RNF180: variants seen among roughly 807,000 people sequenced by gnomAD.
RNF180 encodes E3 ubiquitin-protein ligase RNF180.
Under a neutral mutation model 59.2 loss-of-function variants are expected in RNF180, and 38 were observed. The ratio of observed to expected loss-of-function variants is 0.64; its 90% CI spans 0.50 to 0.84. RNF180 has a LOEUF of 0.84. RNF180 is among the 40% of genes least tolerant of loss of function. The pLI, the probability that RNF180 is intolerant of heterozygous loss-of-function variation, is 0.00. For missense variants in RNF180, 705 were observed against 700.9 expected, an observed-to-expected ratio of 1.01 and a Z score of -0.07; for synonymous variants, 262 against 240.3, an observed-to-expected ratio of 1.09 and a Z score of -0.84.
At chr5:64,304,527 G>GGA (rs1743332752) in intron 5 of RNF180, among the ~76,000 whole-genome samples, 1 of 151,584 alleles carries the variant, frequency 6.6e-6, no homozygotes, top group South Asian at 2.1e-4. Flanking sequence ...AAACCTCAGT[G>GGA]GAGAAAGTAA....
intron 5 of RNF180, among the ~76,000 whole-genome samples, chr5:64,219,406 A>C (rs976436985): frequency 6.6e-6 from 1 of 151,940 alleles, no homozygotes; most frequent in African/African-American, 2.4e-5. Context: ...ATTAGTCTGA[A>C]ATTGTCTCTG....
At chr5:64,362,793 G>A (rs1337799445) in intron 7 of RNF180, among the ~76,000 whole-genome samples, 1 of 151,914 alleles carries the variant, frequency 6.6e-6, no homozygotes, top group Non-Finnish European at 1.5e-5. Context: ...TGACTGGTGT[G>A]AGATGGTATC....
chr5:64,346,359 CTTTTTTTTTTTTT>C (rs1162054033), intron 7 of RNF180, among the ~76,000 whole-genome samples: 7 of 42,954 alleles, frequency 1.6e-4, no homozygotes, highest in African/African-American at 6.5e-4. Context: ...TTCTTTTCTT[CTTTTTTTTTTTTT>C]TTTTTTTTTT....
chr5:64,214,394 C>T lies in RNF180; in HGVS notation c.1068C>T (p.Asp356=). The T allele has an allele frequency of 1.9e-6, 3 of 1,614,052 alleles. No individual in the cohort carries two copies. The highest frequency in any genetic ancestry group is 1.7e-6 in the Non-Finnish European group (2 of 1,180,010). ...AGGAAGAGCACCTCTCCCCTCTGGA[C>T]TTCCTGCACTCAGCCAATTTTTCAT... is the stretch of plus-strand genomic sequence containing the variant. The part of the protein sequence containing the change: ...SDQEEHLSPL[D]FLHSANFSLG... The change falls in exon 4 of 8, where the codon GAC becomes GAT. Residue 356 remains aspartate (D), a synonymous_variant. Coordinates refer to ENST00000389100, the MANE Select transcript of RNF180 (RefSeq NM_001113561.2).
At chr5:64,178,161 G>A (rs1186745436) in intron 1 of RNF180, among the ~76,000 whole-genome samples, 4 of 143,654 alleles carry the variant, frequency 2.8e-5, no homozygotes, top group South Asian at 2.2e-4. Context: ...CTGAGATGGC[G>A]CCACTGCACT....
chr5:64,301,852 A>C (rs1303995083), intron 5 of RNF180, among the ~76,000 whole-genome samples: 4 of 151,638 alleles, frequency 2.6e-5, no homozygotes, highest in South Asian at 2.1e-4. Context: ...CCATTGCCCA[A>C]AGTAAGTCAG....
intron 5 of RNF180, among the ~76,000 whole-genome samples, chr5:64,324,000 A>G (rs1344782853): frequency 2.6e-5 from 4 of 152,194 alleles, no homozygotes; most frequent in Non-Finnish European, 5.9e-5. Flanking sequence ...CAAAGACCGC[A>G]ATTACTTTTG....
chr5:64,238,870 G>A (rs1281269848), intron 5 of RNF180, among the ~76,000 whole-genome samples: 2 of 152,010 alleles, frequency 1.3e-5, no homozygotes, highest in African/African-American at 2.4e-5. Flanking sequence ...TGTTTCTGTT[G>A]CCCATGCTTT....
chr5:64,212,260 A>C (rs1401882875), intron 3 of RNF180, 100 bp downstream of exon 3: 1 of 693,486 alleles, frequency 1.4e-6, no homozygotes, highest in Non-Finnish European at 2.6e-6. Context: ...TCCTTGGCCA[A>C]CCTCTTACTG....
chr5:64,171,953 T>C lies in RNF180; in HGVS notation c.-1+6000T>C, dbSNP rs536856276. Reference sequence around the variant, plus strand: ...GATTTAGGTAAAAGACCTCACAGAGTTGGGTAACATCTTTGGCACAAAAAT... The same window carrying C: ...GATTTAGGTAAAAGACCTCACAGAGCTGGGTAACATCTTTGGCACAAAAAT... On this transcript the variant is annotated intron_variant, in intron 1 of 7. Coordinates refer to ENST00000389100, the MANE Select transcript of RNF180 (RefSeq NM_001113561.2). 7.2e-5 allele frequency among the ~76,000 whole-genome samples: 11 copies of C among 152,022 alleles called. No homozygotes were observed. In the East Asian group the frequency reaches 1.4e-3, roughly 19 times the overall value.
intron 5 of RNF180, among the ~76,000 whole-genome samples, chr5:64,237,716 A>G (rs980208247): frequency 2.0e-5 from 3 of 152,092 alleles, no homozygotes; most frequent in South Asian, 2.1e-4. Context: ...TTGGGTGGGA[A>G]GTGATTGGAT....
At position 64,213,489 on chromosome 5, in the gene RNF180, G is replaced by GA. The variant is rs375332267; in HGVS notation, c.232-60dup. ...AAACTTTCATGTGGCTGGCTTTAAA[G>GA]AAAAAAAAATTTCTCTTCAGTTACT... is the stretch of plus-strand genomic sequence containing the variant. On this transcript the variant is annotated intron_variant, in intron 3 of 7. Coordinates refer to ENST00000389100, the MANE Select transcript of RNF180 (RefSeq NM_001113561.2). 391 of 1,453,776 alleles carry GA rather than the reference G, an allele frequency of 2.7e-4. 1 individual carries two copies. Among genetic ancestry groups the GA allele is most frequent in the South Asian group, 3.3e-4 (23 of 70,370 alleles). 90.1% of individuals were successfully genotyped at this position (1,453,776 alleles called of 1,614,324 possible). A position where few individuals can be genotyped will look rare whatever the true frequency, so the allele number is the denominator to read the frequency against.
In RNF180 at chr5:64,212,087, C is replaced by T. The variant is rs2112108418; in HGVS notation, c.158C>T (p.Ala53Val). 6.3e-7 allele frequency: 1 copy of T among 1,598,256 alleles called. No individual in the cohort carries two copies. Among genetic ancestry groups the T allele is most frequent in the African/African-American group, 1.3e-5 (1 of 74,680 alleles). ...CAGGATAAAGATGATTCAGTTGATGCTCAAAATATTTGTCATGTGTGGCAC... is the reference window on the plus strand; with the variant it reads ...CAGGATAAAGATGATTCAGTTGATGTTCAAAATATTTGTCATGTGTGGCAC... ...VIKDKDDSVD[A>V]QNICHVWHMN... Residue 53 changes from alanine to valine, a missense_variant, in exon 3 of 8, where the codon GCT becomes GTT. Ala to Val is a moderately conservative substitution (Grantham distance 64). Coordinates refer to ENST00000389100, the MANE Select transcript of RNF180 (RefSeq NM_001113561.2).
chr5:64,216,614 A>G (rs1419190315), intron 4 of RNF180, among the ~76,000 whole-genome samples: 2 of 152,218 alleles, frequency 1.3e-5, no homozygotes, highest in Non-Finnish European at 2.9e-5. Flanking sequence ...TCAGTAATCT[A>G]TGCCATGACA....
intron 5 of RNF180, among the ~76,000 whole-genome samples, chr5:64,283,905 G>A (rs543876819): frequency 6.6e-6 from 1 of 152,276 alleles, no homozygotes; most frequent in Non-Finnish European, 1.5e-5. Context: ...ATTGTGTGTT[G>A]TTAGCTGGTT....
Position 64,214,232 on chromosome 5 carries a change from C to T in RNF180, c.906C>T (p.Thr302=), listed in dbSNP as rs760610187. The T allele has an allele frequency of 2.5e-6, 4 of 1,613,954 alleles. No individual in the cohort carries two copies. Among genetic ancestry groups the T allele is most frequent in the Non-Finnish European group, 3.4e-6 (4 of 1,179,992 alleles). ...LQRFSVAPHE[T]QTQRGGEFQC... is the part of the protein sequence containing the mutation. ...GATTTTCAGTGGCCCCCCATGAGAC[C>T]CAGACACAAAGAGGAGGAGAATTTC... The change falls in exon 4 of 8, where the codon ACC becomes ACT. Residue 302 remains threonine (T), a synonymous_variant. Transcript: ENST00000389100.
intron 5 of RNF180, among the ~76,000 whole-genome samples, chr5:64,322,058 G>A (rs1395187094): frequency 6.6e-6 from 1 of 152,114 alleles, no homozygotes; most frequent in Non-Finnish European, 1.5e-5. Context: ...AAAAACCCTA[G>A]AAGAAAACCT....
chr5:64,241,100 C>T (rs565934082), intron 5 of RNF180, among the ~76,000 whole-genome samples: 3 of 152,248 alleles, frequency 2.0e-5, no homozygotes, highest in African/African-American at 7.2e-5. Context: ...GTATTTTTAA[C>T]ATTAGATACA....
At chr5:64,368,906 T>C (rs1314950717) in intron 7 of RNF180, among the ~76,000 whole-genome samples, 1 of 151,972 alleles carries the variant, frequency 6.6e-6, no homozygotes, top group Non-Finnish European at 1.5e-5. Flanking sequence ...GTGTGGCGAG[T>C]CCTCAGGGAT....
Sources: allele counts gnomAD v4.1 joint callset (sites outside exome capture counted in the v4.1 genomes callset), GRCh38; gene constraint gnomAD v4.1.1; transcripts MANE v1.5; gene names NCBI Gene and HGNC (gene_info 2026-07-23, HGNC 2026-07-21).